MAML3: variants seen among roughly 807,000 people sequenced by gnomAD.
MAML3 encodes mastermind-like protein 3.
A neutral mutation model predicts 101.9 loss-of-function variants in MAML3; 27 were observed. The ratio of observed to expected loss-of-function variants is 0.27; its 90% CI spans 0.20 to 0.37. The LOEUF is 0.37. Among genes scored for constraint, MAML3 ranks in the 10% least tolerant of loss-of-function variants. The pLI is 1.00. For synonymous variants in MAML3, 501 were observed against 555.9 expected, an observed-to-expected ratio of 0.90 and a Z score of 1.39; for missense variants, 1,316 against 1,444.9, an observed-to-expected ratio of 0.91 and a Z score of 1.45.
intron 2 of MAML3, among the ~76,000 whole-genome samples, chr4:139,768,271 T>A (rs1729907482): frequency 6.7e-6 from 1 of 148,908 alleles, no homozygotes; most frequent in Admixed American, 6.7e-5. Context: ...TGTGTGTTGC[T>A]GTTCTTTAAT....
intron 2 of MAML3, among the ~76,000 whole-genome samples, chr4:139,774,618 T>C (rs2111072076): frequency 6.6e-6 from 1 of 152,274 alleles, no homozygotes; most frequent in Non-Finnish European, 1.5e-5. Context: ...GCTCCATTAA[T>C]GATCAAGACA....
chr4:139,742,036 T>A (rs186456257), intron 2 of MAML3, among the ~76,000 whole-genome samples: 3 of 151,894 alleles, frequency 2.0e-5, no homozygotes, highest in Admixed American at 1.3e-4. Flanking sequence ...CTCAAAGAGG[T>A]CTAACACAGC....
chr4:140,153,323 C>T lies in MAML3; in HGVS notation c.5G>A (p.Gly2Glu). The change falls in exon 1 of 5, where the codon GGG (glycine) becomes GAG (glutamate). Residue 2 changes from glycine (G) to glutamate (E), a missense_variant. Coordinates refer to ENST00000509479, the MANE Select transcript of MAML3 (RefSeq NM_018717.5). ...GGCAGCAGCGGGGGCTGCGAAATCC[C>T]CCATCCTGCTCCCCGGGCACACTAT... Reference protein sequence around the residue: MGDFAAPAAAAN... With the variant: MEDFAAPAAAAN... 11 of 1,588,480 alleles carry T rather than the reference C, an allele frequency of 6.9e-6. No individual in the cohort carries two copies. The highest frequency in any genetic ancestry group is 9.4e-6 in the Non-Finnish European group (11 of 1,166,900).
At chr4:139,989,888 G>C (rs112713211) in intron 1 of MAML3, among the ~76,000 whole-genome samples, 12 of 114,710 alleles carry the variant, frequency 1.0e-4, no homozygotes, top group South Asian at 5.1e-4. Flanking sequence ...CACACAGAGA[G>C]AGAGAGAGAG....
chr4:139,747,568 C>T (rs1045867162), intron 2 of MAML3, among the ~76,000 whole-genome samples: 1 of 152,006 alleles, frequency 6.6e-6, no homozygotes, highest in African/African-American at 2.4e-5. Flanking sequence ...GTGGTGTGTG[C>T]CTGTAATCCC....
chr4:139,889,351 A>G lies in MAML3; in HGVS notation c.2079+6T>C. The G allele has an allele frequency of 6.2e-7, 1 of 1,613,988 alleles. No individual in the cohort carries two copies. Among genetic ancestry groups the G allele is most frequent in the Non-Finnish European group, 8.5e-7 (1 of 1,179,890 alleles). On this transcript the variant is annotated splice_donor_region_variant and intron_variant, in intron 2 of 4. Coordinates refer to ENST00000509479, the MANE Select transcript of MAML3 (RefSeq NM_018717.5). ...TGCTCGAAGAGTGTGTCACTTTCACACTTACCTGACCGTGGGATGGAAGTG... is the reference window on the plus strand; with the variant it reads ...TGCTCGAAGAGTGTGTCACTTTCACGCTTACCTGACCGTGGGATGGAAGTG...
chr4:139,743,356 C>A (rs918110386), intron 2 of MAML3, among the ~76,000 whole-genome samples: 4 of 152,212 alleles, frequency 2.6e-5, no homozygotes, highest in Non-Finnish European at 5.9e-5. Context: ...CACTAGGGAT[C>A]CTGTTTCTGG....
At chr4:139,923,183 C>G (rs1393343483) in intron 1 of MAML3, among the ~76,000 whole-genome samples, 1 of 152,134 alleles carries the variant, frequency 6.6e-6, no homozygotes, top group African/African-American at 2.4e-5. Context: ...TCTTACTGCA[C>G]CAGCTTTAGA....
chr4:139,857,297 A>G lies in MAML3; in HGVS notation c.2079+32060T>C, dbSNP rs529487815. ...TTTTTGAGCTAGAGGGCTCAAATACATCCGACAAAGCCAAGAGACAGAGGA... is the reference window on the plus strand; with the variant it reads ...TTTTTGAGCTAGAGGGCTCAAATACGTCCGACAAAGCCAAGAGACAGAGGA... On this transcript the variant is annotated intron_variant, in intron 2 of 4. Coordinates refer to ENST00000509479, the MANE Select transcript of MAML3 (RefSeq NM_018717.5). 7.2e-5 allele frequency among the ~76,000 whole-genome samples: 11 copies of G among 152,314 alleles called. No homozygotes were observed. In the South Asian group the frequency reaches 1.9e-3, roughly 26 times the overall value.
chr4:140,005,226 G>A lies in MAML3; in HGVS notation c.469-114259C>T, dbSNP rs149248459. On this transcript the variant is annotated intron_variant, in intron 1 of 4. Transcript: ENST00000509479. ...TCCTCTTTCCCAGAAACTATCTGGA[G>A]CAGGTTGATTCACTAGAGATTCCTA... Among the ~76,000 whole-genome samples, 10 of 152,334 alleles carry A rather than the reference G, an allele frequency of 6.6e-5. No individual in the cohort carries two copies. In the East Asian group the frequency reaches 1.5e-3, roughly 23 times the overall value.
At chr4:139,789,951 G>A (rs1730375014) in intron 2 of MAML3, among the ~76,000 whole-genome samples, 1 of 151,976 alleles carries the variant, frequency 6.6e-6, no homozygotes, top group African/African-American at 2.4e-5. Flanking sequence ...TGAGCCTGAG[G>A]TGCCAGTGTG....
chr4:140,150,656 A>G (rs1322235151), intron 1 of MAML3, among the ~76,000 whole-genome samples: 1 of 152,202 alleles, frequency 6.6e-6, no homozygotes, highest in Non-Finnish European at 1.5e-5. Context: ...AATACACGAA[A>G]AGAGGACGCG....
At chr4:139,766,281 C>A (rs188845377) in intron 2 of MAML3, among the ~76,000 whole-genome samples, 33 of 152,244 alleles carry the variant, frequency 2.2e-4, no homozygotes, top group Non-Finnish European at 4.3e-4. Flanking sequence ...AAGCGATTCT[C>A]CTGCCTCAGC....
At chr4:139,919,584 C>T (rs1190888286) in intron 1 of MAML3, among the ~76,000 whole-genome samples, 3 of 152,076 alleles carry the variant, frequency 2.0e-5, no homozygotes, top group East Asian at 1.9e-4. Flanking sequence ...AGAATCTCTG[C>T]GTGGATTCTG....
At chr4:139,725,488 C>G (rs1728430970) in intron 4 of MAML3, among the ~76,000 whole-genome samples, 1 of 152,112 alleles carries the variant, frequency 6.6e-6, no homozygotes, top group Non-Finnish European at 1.5e-5. Flanking sequence ...TGTTCTAGTC[C>G]CAACTCCGAC....
At chr4:139,897,710 T>C (rs1051053273) in intron 1 of MAML3, among the ~76,000 whole-genome samples, 3 of 152,232 alleles carry the variant, frequency 2.0e-5, no homozygotes, top group Admixed American at 6.5e-5. Flanking sequence ...TCTCCATACA[T>C]TGTGAATCTG....
At chr4:139,909,966 CT>C (rs1732888879) in intron 1 of MAML3, among the ~76,000 whole-genome samples, 1 of 151,382 alleles carries the variant, frequency 6.6e-6, no homozygotes, top group African/African-American at 2.4e-5. Context: ...GAAATGAGTC[CT>C]GTTAATTAAA....
rs529716302 is a variant in MAML3, at chr4:139,888,344, C to A, written c.2079+1013G>T. On this transcript the variant is annotated intron_variant, in intron 2 of 4. Coordinates refer to ENST00000509479, the MANE Select transcript of MAML3 (RefSeq NM_018717.5). ...GAGGGCCTCTAAAGCAAAGACTTTTCTGCAAATTCTCCAAGTAAAATGACC... is the reference window on the plus strand; with the variant it reads ...GAGGGCCTCTAAAGCAAAGACTTTTATGCAAATTCTCCAAGTAAAATGACC... Among the ~76,000 whole-genome samples, 8 of 152,338 alleles carry A rather than the reference C, an allele frequency of 5.3e-5. No individual in the cohort carries two copies. The East Asian group carries it at 1.5e-3, about 29-fold the overall frequency.
chr4:140,004,783 C>T (rs1337749101), intron 1 of MAML3, among the ~76,000 whole-genome samples: 2 of 152,124 alleles, frequency 1.3e-5, no homozygotes, highest in Non-Finnish European at 2.9e-5. Context: ...CCAGCAGCTG[C>T]TCCCCAGTAG....
Sources: gnomAD v4.1 joint callset for allele counts (sites outside exome capture counted in the v4.1 genomes callset) on GRCh38, gnomAD v4.1.1 for gene constraint, MANE v1.5 for transcripts, NCBI Gene and HGNC (gene_info 2026-07-23, HGNC 2026-07-21) for gene names.